Variants in DNM1L observed in about 807,000 individuals in gnomAD.
DNM1L encodes dynamin 1L.
In DNM1L, 33 loss-of-function variants were observed where a neutral mutation model predicts 92.8. The observed-to-expected ratio is 0.36, with a 90% CI of 0.27 to 0.48. The LOEUF is 0.48. DNM1L is among the 20% of genes least tolerant of loss of function. The pLI, the probability that DNM1L is intolerant of heterozygous loss-of-function variation, is 0.99. For missense variants in DNM1L, 485 were observed against 888.8 expected, an observed-to-expected ratio of 0.55 and a Z score of 5.78; for synonymous variants, 284 against 305.0, an observed-to-expected ratio of 0.93 and a Z score of 0.72.
At chr12:32,690,671 GAATT>G (rs1326483045) in intron 1 of DNM1L, among the ~76,000 whole-genome samples, 2 of 152,116 alleles carry the variant, frequency 1.3e-5, no homozygotes, top group Non-Finnish European at 2.9e-5. Flanking sequence ...TATAAAGTGA[GAATT>G]AAATAGTAAC....
intron 1 of DNM1L, among the ~76,000 whole-genome samples, chr12:32,685,030 C>A (rs979740876): frequency 3.7e-4 from 56 of 151,626 alleles, no homozygotes; most frequent in Admixed American, 2.9e-3. Context: ...AGCTCCGCCT[C>A]CCGGGTTTAC....
At chr12:32,742,417 C>A (rs767169892) in intron 18 of DNM1L, among the ~76,000 whole-genome samples, 172 bp from the exon 19 acceptor site, 2 of 152,106 alleles carry the variant, frequency 1.3e-5, no homozygotes, top group Non-Finnish European at 2.9e-5. Context: ...AACTGCTTTT[C>A]TTAATGTTTA....
chr12:32,735,744 T>C (rs896421367), intron 13 of DNM1L, among the ~76,000 whole-genome samples: 4 of 151,812 alleles, frequency 2.6e-5, no homozygotes, highest in African/African-American at 7.3e-5. Context: ...CCGGGGGTGG[T>C]GGATGCCTGT....
intron 8 of DNM1L, among the ~76,000 whole-genome samples, chr12:32,721,869 G>A (rs1331484082): frequency 6.6e-6 from 1 of 152,080 alleles, no homozygotes; most frequent in African/African-American, 2.4e-5. Flanking sequence ...ACAGAGGTCA[G>A]GGAAACACTA....
intron 5 of DNM1L, chr12:32,711,252 C>T (rs1953112635): frequency 6.4e-6 from 3 of 465,442 alleles, no homozygotes; most frequent in East Asian, 4.1e-5. Context: ...TGTTTCTTCT[C>T]ATCTCCCCAA....
chr12:32,691,089 A>C (rs1283875427), intron 1 of DNM1L, among the ~76,000 whole-genome samples: 2 of 152,202 alleles, frequency 1.3e-5, no homozygotes, highest in Non-Finnish European at 2.9e-5. Flanking sequence ...TAGAAGTCCA[A>C]GATCAAAGTG....
intron 1 of DNM1L, among the ~76,000 whole-genome samples, chr12:32,681,540 A>G (rs1391573324): frequency 7.3e-6 from 1 of 137,046 alleles, no homozygotes; most frequent in African/African-American, 2.9e-5. Flanking sequence ...AAGAGAGAGA[A>G]TAGAAACTAT....
chr12:32,745,201 G>A lies in DNM1L; in HGVS notation c.*1791G>A, dbSNP rs1265056110. ...ACTTAAAAATCACTGCCATCATTAA[G>A]CATCAGTTTCAAAATTATAGCCATT... On this transcript the variant is annotated 3_prime_UTR_variant, in exon 20 of 20. Coordinates refer to ENST00000549701, the MANE Select transcript of DNM1L (RefSeq NM_012062.5). The A allele has an allele frequency of 4.4e-6, 1 of 229,816 alleles. No individual in the cohort carries two copies. Among genetic ancestry groups the A allele is most frequent in the Non-Finnish European group, 8.7e-6 (1 of 115,516 alleles). The allele number at this position is 229,816 out of a possible 1,614,324, so 14.2% of individuals were successfully genotyped here. A position where few individuals can be genotyped will look rare whatever the true frequency, so the allele number is the denominator to read the frequency against.
rs751953028 is a variant in DNM1L, at chr12:32,738,258, T to C, written c.1675-6T>C. 6 of 1,613,630 alleles carry C rather than the reference T, an allele frequency of 3.7e-6. No homozygotes were observed. Among genetic ancestry groups the C allele is most frequent in the Non-Finnish European group, 5.1e-6 (6 of 1,179,730 alleles). ...AAATTGCATGTTTTAACATATCTTTTAACAGTTAATTCAGGACAGCAGAAG... is the reference window on the plus strand; with the variant it reads ...AAATTGCATGTTTTAACATATCTTTCAACAGTTAATTCAGGACAGCAGAAG... On this transcript the variant is annotated splice_region_variant and splice_polypyrimidine_tract_variant and intron_variant, in intron 15 of 19. Coordinates refer to ENST00000549701, the MANE Select transcript of DNM1L (RefSeq NM_012062.5).
chr12:32,727,281 G>GCTT, intron 9 of DNM1L: 1 of 1,291,174 alleles, frequency 7.7e-7, no homozygotes, highest in African/African-American at 1.5e-5. Context: ...ATAGAATTTG[G>GCTT]CTTCTATCTG....
In DNM1L at chr12:32,743,627, A is replaced by C; in HGVS notation, c.*217A>C. On this transcript the variant is annotated 3_prime_UTR_variant, in exon 20 of 20. Coordinates refer to ENST00000549701, the MANE Select transcript of DNM1L (RefSeq NM_012062.5). The stretch of plus-strand genomic sequence containing the variant: ...CTGTTTCTAAAGTTTCCCAGTATAT[A>C]TAAAATACATCAAGTCTGTCTTGTG... 5.4e-6 allele frequency: 3 copies of C among 558,990 alleles called. No individual in the cohort carries two copies. The highest frequency in any genetic ancestry group is 9.6e-6 in the Non-Finnish European group (3 of 313,912). 34.6% of individuals were successfully genotyped at this position (558,990 alleles called of 1,614,324 possible).
chr12:32,711,111 C>T, intron 5 of DNM1L, 96 bp downstream of exon 5: 1 of 1,059,958 alleles, frequency 9.4e-7, no homozygotes, highest in Non-Finnish European at 1.5e-6. Context: ...TCACTTTGAT[C>T]TGTTAGCAGC....
intron 13 of DNM1L, among the ~76,000 whole-genome samples, chr12:32,734,460 T>G (rs1314200707): frequency 6.6e-6 from 1 of 152,166 alleles, no homozygotes; most frequent in Non-Finnish European, 1.5e-5. Flanking sequence ...ATTGTAAACA[T>G]GCAATTCAGA....
intron 1 of DNM1L, among the ~76,000 whole-genome samples, chr12:32,689,192 C>CTATT (rs1952136793): frequency 6.6e-6 from 1 of 151,744 alleles, no homozygotes; most frequent in African/African-American, 2.4e-5. Flanking sequence ...TGTAGTTTAG[C>CTATT]TATTTTATTT....
intron 9 of DNM1L, among the ~76,000 whole-genome samples, chr12:32,724,084 T>C (rs190842817): frequency 6.6e-6 from 1 of 152,310 alleles, no homozygotes; most frequent in East Asian, 1.9e-4. Context: ...AAATTAACAG[T>C]AATTAGCCTG....
At chr12:32,711,865 AGAGT>A (rs1185405105) in intron 5 of DNM1L, among the ~76,000 whole-genome samples, 2 of 152,226 alleles carry the variant, frequency 1.3e-5, no homozygotes, top group Non-Finnish European at 2.9e-5. Flanking sequence ...CCTGGCCAAC[AGAGT>A]GAGACCCTGT....
chr12:32,680,505 C>A (rs1024228170), intron 1 of DNM1L, among the ~76,000 whole-genome samples: 4 of 151,508 alleles, frequency 2.6e-5, no homozygotes, highest in African/African-American at 7.3e-5. Context: ...CTATAGACAC[C>A]CTGTACTCGT....
chr12:32,711,598 T>G (rs1045846121), intron 5 of DNM1L, among the ~76,000 whole-genome samples: 3 of 152,098 alleles, frequency 2.0e-5, no homozygotes, highest in African/African-American at 7.2e-5. Flanking sequence ...TAATTGTTAG[T>G]TCCTTGGCCA....
intron 6 of DNM1L, among the ~76,000 whole-genome samples, chr12:32,717,898 A>C (rs1953571239): frequency 9.8e-6 from 1 of 101,750 alleles, no homozygotes; most frequent in African/African-American, 4.2e-5. Context: ...TATATACTAT[A>C]TATAGTATAT....
Sources: allele counts gnomAD v4.1 joint callset (sites outside exome capture counted in the v4.1 genomes callset), GRCh38; gene constraint gnomAD v4.1.1; transcripts MANE v1.5; gene names NCBI Gene and HGNC (gene_info 2026-07-23, HGNC 2026-07-21).